The following CTNNA2 variants were observed in gnomAD, a reference collection of about 807,000 sequenced individuals.
The protein encoded by CTNNA2 is catenin alpha-2.
CTNNA2 carries 42 observed loss-of-function variants against 101.0 expected under a neutral mutation model. The observed-to-expected ratio is 0.42, with a 90% confidence interval of 0.32 to 0.54. The LOEUF is 0.54. Among genes scored for constraint, CTNNA2 ranks in the 20% least tolerant of loss-of-function variants. The probability of loss-of-function intolerance (pLI) is 0.14; values close to 1 mark genes in which losing one functional copy is unlikely to be tolerated. For missense variants in CTNNA2, 871 were observed against 1,223.1 expected, an observed-to-expected ratio of 0.71 and a Z score of 4.29; for synonymous variants, 450 against 456.4, an observed-to-expected ratio of 0.99 and a Z score of 0.18.
At chr2:80,101,650 G>A (rs906093007) in intron 7 of CTNNA2, among the ~76,000 whole-genome samples, 1 of 152,154 alleles carries the variant, frequency 6.6e-6, no homozygotes, top group Non-Finnish European at 1.5e-5. Context: ...GTTATCAGCG[G>A]GATGCTTGCT....
intron 1 of CTNNA2, among the ~76,000 whole-genome samples, chr2:79,532,864 G>GT (rs767271750): frequency 1.3e-5 from 2 of 152,128 alleles, no homozygotes; most frequent in East Asian, 1.9e-4. Flanking sequence ...CTAATTAACT[G>GT]TAAGTGCCTT....
intron 4 of CTNNA2, among the ~76,000 whole-genome samples, chr2:79,426,713 G>A (rs1558664244): frequency 6.6e-6 from 1 of 152,020 alleles, no homozygotes; most frequent in Non-Finnish European, 1.5e-5. Flanking sequence ...TACCTGTAAC[G>A]TTACTTTATC....
At chr2:79,904,295 T>G (rs1685268215) in intron 6 of CTNNA2, among the ~76,000 whole-genome samples, 1 of 152,164 alleles carries the variant, frequency 6.6e-6, no homozygotes, top group Non-Finnish European at 1.5e-5. Context: ...AAAGGATTAT[T>G]TAATATGTGC....
chr2:79,673,553 T>C (rs1682986262), intron 2 of CTNNA2, among the ~76,000 whole-genome samples: 1 of 152,214 alleles, frequency 6.6e-6, no homozygotes, highest in South Asian at 2.1e-4. Context: ...TGTCTTCCTC[T>C]GTGAATACAA....
At chr2:79,445,689 G>A (rs1053102372) in intron 4 of CTNNA2, among the ~76,000 whole-genome samples, 1 of 152,062 alleles carries the variant, frequency 6.6e-6, no homozygotes, top group Admixed American at 6.6e-5. Context: ...CTGCATGCTC[G>A]TATCCAGAGT....
rs547171606 is a variant in CTNNA2 at position 79,369,331 on chromosome 2, T to C, written c.-317-4500T>C. ...GGGCTCTTTATGTTCCTCAAGAACATGCACACTGAGCTTCCCCCGCAGCCC... is the reference window on the plus strand; with the variant it reads ...GGGCTCTTTATGTTCCTCAAGAACACGCACACTGAGCTTCCCCCGCAGCCC... On this transcript the variant is annotated intron_variant, in intron 3 of 21. Coordinates refer to the CTNNA2 transcript ENST00000466387. Among the ~76,000 whole-genome samples, 8 of 152,292 alleles carry C rather than the reference T, an allele frequency of 5.3e-5. No homozygotes were observed. In the South Asian group the frequency reaches 1.7e-3, roughly 32 times the overall value.
At chr2:79,682,365 C>T (rs1224669327) in intron 2 of CTNNA2, among the ~76,000 whole-genome samples, 62 of 144,570 alleles carry the variant, frequency 4.3e-4, no homozygotes, top group Middle Eastern at 3.8e-3. Context: ...GAGCCGAGAT[C>T]GCGCCACTGC....
At chr2:80,311,224 G>A (rs1677548752) in intron 7 of CTNNA2, among the ~76,000 whole-genome samples, 1 of 152,108 alleles carries the variant, frequency 6.6e-6, no homozygotes, top group African/African-American at 2.4e-5. Context: ...TATTCTAGAA[G>A]TGGAATTGGT....
rs889999068 is a variant in CTNNA2 at position 79,415,343 on chromosome 2, T to G, written c.-135+41330T>G. ...TCCTGAGACCCATACCAAGAGCAGATGCCAGTGCAGTGCTTCCTGTACAGC... is the reference window on the plus strand; with the variant it reads ...TCCTGAGACCCATACCAAGAGCAGAGGCCAGTGCAGTGCTTCCTGTACAGC... On this transcript the variant is annotated intron_variant, in intron 4 of 21. Coordinates refer to the CTNNA2 transcript ENST00000466387. 4.6e-5 allele frequency among the ~76,000 whole-genome samples: 7 copies of G among 152,298 alleles called. No homozygotes were observed. In the South Asian group the frequency reaches 1.4e-3, roughly 32 times the overall value.
intron 18 of CTNNA2, among the ~76,000 whole-genome samples, chr2:80,624,383 T>C (rs891910443): frequency 6.6e-6 from 1 of 152,036 alleles, no homozygotes; most frequent in Non-Finnish European, 1.5e-5. Flanking sequence ...AAGTGCTAAA[T>C]TCTTTGTTGT....
At chr2:80,566,309 T>C (rs1401742649) in intron 12 of CTNNA2, among the ~76,000 whole-genome samples, 2 of 152,184 alleles carry the variant, frequency 1.3e-5, no homozygotes, top group Admixed American at 1.3e-4. Flanking sequence ...TTTTGCCATA[T>C]TCTGTTGGTT....
At chr2:80,478,967 T>C (rs1685936542) in intron 9 of CTNNA2, among the ~76,000 whole-genome samples, 1 of 152,050 alleles carries the variant, frequency 6.6e-6, no homozygotes, top group South Asian at 2.1e-4. Context: ...CTTTGGGCAG[T>C]ATGGCCATTA....
chr2:79,346,836 C>T (rs925507763), intron 3 of CTNNA2, among the ~76,000 whole-genome samples: 1 of 152,200 alleles, frequency 6.6e-6, no homozygotes, highest in Non-Finnish European at 1.5e-5. Flanking sequence ...CTCTGAGGCA[C>T]CTCCACAAAG....
In CTNNA2 at chr2:80,302,810, T is replaced by C; in HGVS notation, c.1057-90401T>C. 6.2e-7 allele frequency: 1 copy of C among 1,613,892 alleles called. No homozygotes were observed. Among genetic ancestry groups the C allele is most frequent in the Non-Finnish European group, 8.5e-7 (1 of 1,179,990 alleles). On this transcript the variant is annotated intron_variant, in intron 7 of 18. Coordinates refer to ENST00000402739, the MANE Select transcript of CTNNA2 (RefSeq NM_001282597.3). This position sits in a 1 kb window ranked among gnomAD's most constrained non-coding sequence, Gnocchi z 6.4. The stretch of plus-strand genomic sequence containing the variant: ...CGGGCTGGCGCACTGCAAGTTGCCA[T>C]CGTAGCGCCCCTGGAAGTTGTTGAG...
intron 9 of CTNNA2, among the ~76,000 whole-genome samples, chr2:80,482,694 C>G (rs1686243211): frequency 6.6e-6 from 1 of 152,168 alleles, no homozygotes; most frequent in Non-Finnish European, 1.5e-5. Context: ...TCCACAGTGT[C>G]AATCTCCATG....
intron 6 of CTNNA2, among the ~76,000 whole-genome samples, chr2:79,908,766 G>A (rs577167405): frequency 2.0e-5 from 3 of 152,102 alleles, no homozygotes; most frequent in Non-Finnish European, 2.9e-5. Flanking sequence ...TAATTCACTA[G>A]TTTATGTCCA....
chr2:80,542,764 C>T (rs530484786), intron 9 of CTNNA2, among the ~76,000 whole-genome samples: 1 of 152,156 alleles, frequency 6.6e-6, no homozygotes, highest in East Asian at 1.9e-4. Flanking sequence ...ATCACTATTT[C>T]ATAGAATGAG....
intron 1 of CTNNA2, among the ~76,000 whole-genome samples, chr2:79,551,297 G>A (rs1242360220): frequency 6.6e-6 from 1 of 152,130 alleles, no homozygotes; most frequent in Non-Finnish European, 1.5e-5. Flanking sequence ...GGCAACAGGG[G>A]AAAGAGGAAA....
At chr2:80,272,556 G>A (rs917141189) in intron 7 of CTNNA2, among the ~76,000 whole-genome samples, 2 of 152,048 alleles carry the variant, frequency 1.3e-5, no homozygotes, top group Non-Finnish European at 2.9e-5. Flanking sequence ...AGGGAAACAG[G>A]GAAAACTACA....
Sources: gnomAD v4.1 joint callset for allele counts (sites outside exome capture counted in the v4.1 genomes callset) on GRCh38, gnomAD v4.1.1 for gene constraint, Gnocchi (gnomAD v3.1) non-coding constraint, MANE v1.5 for transcripts, NCBI Gene and HGNC (gene_info 2026-07-23, HGNC 2026-07-21) for gene names.